Variants in SDCCAG8 observed in about 807,000 individuals in gnomAD.
SDCCAG8 encodes serologically defined colon cancer antigen 8.
In SDCCAG8, 74 loss-of-function variants were observed where a neutral mutation model predicts 101.8. The observed-to-expected ratio is 0.73, with a 90% CI of 0.60 to 0.88. The LOEUF is 0.88. SDCCAG8 is among the 40% of genes least tolerant of loss of function. The pLI is 0.00. For synonymous variants in SDCCAG8, 281 were observed against 292.9 expected, an observed-to-expected ratio of 0.96 and a Z score of 0.41; for missense variants, 787 against 822.6, an observed-to-expected ratio of 0.96 and a Z score of 0.53.
chr1:243,354,053 C>T (rs892142033), intron 12 of SDCCAG8, among the ~76,000 whole-genome samples: 4 of 152,160 alleles, frequency 2.6e-5, no homozygotes, highest in African/African-American at 9.7e-5. Flanking sequence ...TACTACTTTA[C>T]TTAAGGACCA....
intron 16 of SDCCAG8, among the ~76,000 whole-genome samples, chr1:243,446,284 A>T (rs1378196621): frequency 6.6e-6 from 1 of 152,118 alleles, no homozygotes; most frequent in Non-Finnish European, 1.5e-5. Context: ...TTTTTTTAAG[A>T]CAGGGTCTCA....
intron 16 of SDCCAG8, among the ~76,000 whole-genome samples, chr1:243,485,975 G>A (rs1404979637): frequency 6.6e-6 from 1 of 151,818 alleles, no homozygotes; most frequent in Non-Finnish European, 1.5e-5. Flanking sequence ...GAGGCGAGTG[G>A]ATCACTTGAG....
chr1:243,378,901 T>G, intron 13 of SDCCAG8, 38 bp downstream of exon 13: 1 of 1,613,642 alleles, frequency 6.2e-7, no homozygotes, highest in Non-Finnish European at 8.5e-7. Flanking sequence ...AGCACCGATT[T>G]CATTCCACTG....
chr1:243,359,398 C>T (rs1342487516), intron 12 of SDCCAG8, among the ~76,000 whole-genome samples: 1 of 152,124 alleles, frequency 6.6e-6, no homozygotes, highest in African/African-American at 2.4e-5. Context: ...CAATTGTATA[C>T]TTTCGGTGGG....
intron 13 of SDCCAG8, among the ~76,000 whole-genome samples, chr1:243,380,691 T>G (rs567850941): frequency 2.1e-4 from 32 of 152,270 alleles, no homozygotes; most frequent in South Asian, 6.2e-4. Context: ...GCTTTTTTTT[T>G]TTGTTGAGCT....
chr1:243,262,811 A>G (rs2067293806), intron 1 of SDCCAG8, among the ~76,000 whole-genome samples: 1 of 152,238 alleles, frequency 6.6e-6, no homozygotes. Context: ...AAAAGTAGAC[A>G]AGGTAGCTAG....
At position 243,483,260 on chromosome 1, in the gene SDCCAG8, T is replaced by G. The variant is rs944956575; in HGVS notation, c.1986-5754T>G. Among the ~76,000 whole-genome samples, 41 of 151,956 alleles carry G rather than the reference T, an allele frequency of 2.7e-4. 1 individual carries two copies. Among genetic ancestry groups the G allele is most frequent in the African/African-American group, 9.7e-4 (40 of 41,386 alleles). ...AGCGCGCCCCCTGGGCTGGGCGGCG[T>G]GTCCCTGCCTCCCGCCGGCGCCCTC... On this transcript the variant is annotated intron_variant, in intron 16 of 17. Transcript: ENST00000366541.
intron 12 of SDCCAG8, among the ~76,000 whole-genome samples, chr1:243,366,214 ATTTAT>A (rs1368315771): frequency 6.6e-6 from 1 of 152,012 alleles, no homozygotes; most frequent in Admixed American, 6.6e-5. Flanking sequence ...GTTCATTTAA[ATTTAT>A]TTTATTTTTA....
chr1:243,351,088 C>G (rs2076059690), intron 12 of SDCCAG8, among the ~76,000 whole-genome samples: 1 of 152,214 alleles, frequency 6.6e-6, no homozygotes, highest in South Asian at 2.1e-4. Context: ...GATGACTTCT[C>G]AAGAGCCAGA....
chr1:243,433,017 G>T (rs1049824664), intron 16 of SDCCAG8, among the ~76,000 whole-genome samples: 5 of 152,104 alleles, frequency 3.3e-5, no homozygotes, highest in Non-Finnish European at 7.4e-5. Context: ...GGTGGGTTGG[G>T]ATACCAAGCA....
chr1:243,492,234 G>A (rs560038544), intron 17 of SDCCAG8, among the ~76,000 whole-genome samples: 7 of 151,694 alleles, frequency 4.6e-5, no homozygotes, highest in East Asian at 1.9e-4. Flanking sequence ...CCCGCTCCCC[G>A]GCGCTGTCTG....
At chr1:243,336,283 CTGT>C (rs988176771) in intron 10 of SDCCAG8, among the ~76,000 whole-genome samples, 113 of 152,276 alleles carry the variant, frequency 7.4e-4, no homozygotes, top group African/African-American at 2.7e-3. Context: ...TCTGCATGGT[CTGT>C]TGTTTTTTGA....
intron 12 of SDCCAG8, among the ~76,000 whole-genome samples, chr1:243,344,729 T>A (rs1384619668): frequency 6.6e-6 from 1 of 152,210 alleles, no homozygotes; most frequent in Non-Finnish European, 1.5e-5. Flanking sequence ...TGAGTTGATA[T>A]GTAAATATGT....
intron 13 of SDCCAG8, among the ~76,000 whole-genome samples, chr1:243,381,297 C>T (rs998329425): frequency 1.3e-5 from 2 of 152,062 alleles, no homozygotes; most frequent in East Asian, 1.9e-4. Context: ...GATTTTAAAA[C>T]GGTAAATAGA....
intron 13 of SDCCAG8, among the ~76,000 whole-genome samples, chr1:243,404,758 C>T (rs1247741022): frequency 1.3e-5 from 2 of 152,112 alleles, no homozygotes; most frequent in Non-Finnish European, 2.9e-5. Context: ...TTTCTGTATA[C>T]ATGCACATTG....
rs550445527 is a variant in SDCCAG8, at chr1:243,392,742, A to G, written c.1616+13879A>G. On this transcript the variant is annotated intron_variant, in intron 13 of 17. Coordinates refer to ENST00000366541, the MANE Select transcript of SDCCAG8 (RefSeq NM_006642.5). ...ATGCGACAACTCACGTAACTAATCAACTTTTTAGATGCCGTTTCATATGTT... is the reference window on the plus strand; with the variant it reads ...ATGCGACAACTCACGTAACTAATCAGCTTTTTAGATGCCGTTTCATATGTT... Among the ~76,000 whole-genome samples, 4 of 152,336 alleles carry G rather than the reference A, an allele frequency of 2.6e-5. No individual in the cohort carries two copies. The South Asian group carries it at 8.3e-4, about 32-fold the overall frequency.
intron 12 of SDCCAG8, among the ~76,000 whole-genome samples, chr1:243,356,943 A>G (rs1033135514): frequency 6.6e-6 from 1 of 152,042 alleles, no homozygotes. Context: ...GGCTGCAATA[A>G]ATTGTGTTCA....
intron 17 of SDCCAG8, among the ~76,000 whole-genome samples, chr1:243,494,889 TAATTCCGTC>T (rs929597361): frequency 6.6e-6 from 1 of 151,868 alleles, no homozygotes; most frequent in Admixed American, 6.6e-5. Context: ...TAAAAGACTG[TAATTCCGTC>T]ACATTACAAC....
chr1:243,400,579 C>G (rs1311552695), intron 13 of SDCCAG8, among the ~76,000 whole-genome samples: 1 of 152,212 alleles, frequency 6.6e-6, no homozygotes, highest in Non-Finnish European at 1.5e-5. Context: ...TCAAGAGTAG[C>G]TGGACAGTTA....
Sources: allele counts gnomAD v4.1 joint callset (sites outside exome capture counted in the v4.1 genomes callset), GRCh38; gene constraint gnomAD v4.1.1; transcripts MANE v1.5; gene names NCBI Gene and HGNC (gene_info 2026-07-23, HGNC 2026-07-21).